Variants in CRADD observed in about 807,000 individuals in gnomAD.
CRADD encodes the protein death domain-containing protein CRADD.
CRADD carries 9 observed loss-of-function variants against 15.5 expected under a neutral mutation model. The observed-to-expected ratio is 0.58, with a 90% CI of 0.35 to 1.01. The LOEUF (loss-of-function observed/expected upper bound fraction) is 1.01. Ranked by LOEUF, CRADD falls within the 50% of genes least tolerant of loss-of-function variation. The pLI, the probability that CRADD is intolerant of heterozygous loss-of-function variation, is 0.02. For synonymous variants in CRADD, 118 were observed against 107.6 expected, an observed-to-expected ratio of 1.10 and a Z score of -0.60; for missense variants, 227 against 250.3, an observed-to-expected ratio of 0.91 and a Z score of 0.63.
chr12:93,858,693 A>G (rs1173352261), intron 2 of CRADD, among the ~76,000 whole-genome samples: 1 of 152,210 alleles, frequency 6.6e-6, no homozygotes, highest in Non-Finnish European at 1.5e-5. Flanking sequence ...TGGGTCATAG[A>G]AACTAGAACT....
At chr12:93,867,835 GC>G (rs927338874) in intron 2 of CRADD, among the ~76,000 whole-genome samples, 6 of 152,052 alleles carry the variant, frequency 3.9e-5, no homozygotes, top group Admixed American at 1.3e-4. Context: ...TGAGTGGGGG[GC>G]CCAGAGACAA....
intron 2 of CRADD, among the ~76,000 whole-genome samples, chr12:93,703,637 C>T (rs1053570401): frequency 2.0e-5 from 3 of 152,088 alleles, no homozygotes; most frequent in Admixed American, 6.5e-5. Context: ...GCTGGGATTA[C>T]AGGCAGGAAC....
chr12:93,863,644 G>GTGTGTGT (rs58596395), intron 2 of CRADD, among the ~76,000 whole-genome samples: 1 of 148,592 alleles, frequency 6.7e-6, no homozygotes, highest in Non-Finnish European at 1.5e-5. Context: ...GTGTGTGTGT[G>GTGTGTGT]AAGCTGTCAT....
At chr12:93,832,480 CAT>C (rs774161630) in intron 2 of CRADD, among the ~76,000 whole-genome samples, 5 of 152,166 alleles carry the variant, frequency 3.3e-5, no homozygotes, top group Non-Finnish European at 5.9e-5. Context: ...ATAAGGAAAA[CAT>C]AAGTCCATCA....
rs1157061528 is a variant in CRADD, at chr12:93,863,596, TTGTGTGTGTGTGTGTGTGTG to T, written c.299-30425_299-30406del. Among the ~76,000 whole-genome samples, 298 of 124,850 alleles carry T rather than the reference TTGTGTGTGTGTGTGTGTGTG, an allele frequency of 2.4e-3. 2 individuals are homozygous for T. Among genetic ancestry groups the T allele is most frequent in the Middle Eastern group, 4.0e-3 (1 of 250 alleles). The allele number at this position is 124,850 out of a possible 152,430, so 81.9% of individuals were successfully genotyped here. On this transcript the variant is annotated intron_variant, in intron 2 of 2. Transcript: ENST00000548483. ...GGCCTTTGAAAATGTGTGGAGGCAT[TTGTGTGTGTGTGTGTGTGTG>T]TGTGTGTGTGTGTGTGTGTGTGTGT... is the stretch of plus-strand genomic sequence containing the variant.
intron 1 of CRADD, among the ~76,000 whole-genome samples, chr12:93,678,341 C>T (rs1955205015): frequency 6.6e-6 from 1 of 152,164 alleles, no homozygotes; most frequent in African/African-American, 2.4e-5. Flanking sequence ...GCAGTTTCTG[C>T]CTTGGTGGTG....
At chr12:93,703,358 T>C (rs977387498) in intron 2 of CRADD, among the ~76,000 whole-genome samples, 7 of 150,266 alleles carry the variant, frequency 4.7e-5, no homozygotes, top group Non-Finnish European at 8.8e-5. Flanking sequence ...TTTTTCTTTT[T>C]CTTTTTTTTT....
At position 93,874,305 on chromosome 12, in the gene CRADD, C is replaced by T. The variant is rs117397230; in HGVS notation, c.299-19745C>T. On this transcript the variant is annotated intron_variant, in intron 2 of 2. Transcript: ENST00000548483. ...AGTTGTCATGTCTCCTTTTTCAATTCTGATTTTATTTGCATCTTTTCTCTT... is the reference window on the plus strand; with the variant it reads ...AGTTGTCATGTCTCCTTTTTCAATTTTGATTTTATTTGCATCTTTTCTCTT... Among the ~76,000 whole-genome samples, 66 of 151,856 alleles carry T rather than the reference C, an allele frequency of 4.3e-4. No homozygotes were observed. In the East Asian group the frequency reaches 0.012, roughly 27 times the overall value.
chr12:93,678,728 A>G, intron 1 of CRADD, 41 bp from the exon 2 acceptor site: 1 of 1,583,144 alleles, frequency 6.3e-7, no homozygotes, highest in Non-Finnish European at 8.6e-7. Flanking sequence ...GGGCCACATC[A>G]ACATGTCTGT....
chr12:93,860,526 AG>A (rs1287910277), intron 2 of CRADD, among the ~76,000 whole-genome samples: 10 of 152,204 alleles, frequency 6.6e-5, no homozygotes, highest in African/African-American at 2.4e-4. Context: ...AGCAAAGGGC[AG>A]GAAGAGCCAG....
chr12:93,881,157 A>G (rs944314981), intron 2 of CRADD, among the ~76,000 whole-genome samples: 6 of 152,212 alleles, frequency 3.9e-5, no homozygotes, highest in African/African-American at 9.6e-5. Context: ...GACAACATCT[A>G]TGTGACAAAG....
At position 93,890,102 on chromosome 12, in the gene CRADD, TA is replaced by T. The variant is rs201657307; in HGVS notation, c.299-3945del. Among the ~76,000 whole-genome samples the T allele has an allele frequency of 3.5e-4, 54 of 152,242 alleles. No individual in the cohort carries two copies. The East Asian group carries it at 8.3e-3, about 23-fold the overall frequency. On this transcript the variant is annotated intron_variant, in intron 2 of 2. Transcript: ENST00000548483. ...ACCTTCCAGGATGGTGGGAAGTACA[TA>T]AATTTGAAAGCATGGAATTATAGTC...
At chr12:93,821,545 C>T (rs1214101836) in intron 2 of CRADD, among the ~76,000 whole-genome samples, 1 of 152,232 alleles carries the variant, frequency 6.6e-6, no homozygotes, top group Non-Finnish European at 1.5e-5. Flanking sequence ...CCTGCTGTGA[C>T]TGCTAGCCAA....
intron 2 of CRADD, among the ~76,000 whole-genome samples, chr12:93,758,990 C>T (rs992707832): frequency 6.6e-6 from 1 of 152,120 alleles, no homozygotes; most frequent in Non-Finnish European, 1.5e-5. Context: ...TTTGAGCTAT[C>T]CTCACAGGTT....
In CRADD at chr12:93,785,139, C is replaced by A. The variant is rs1381907544; in HGVS notation, c.299-64831C>A. 4.6e-5 allele frequency among the ~76,000 whole-genome samples: 7 copies of A among 151,862 alleles called. No homozygotes were observed. The East Asian group carries it at 1.4e-3, about 29-fold the overall frequency. ...TTTGATAATGCATATACTCCAAACA[C>A]CTCTAAAAATAATTTTCAATTGGCA... On this transcript the variant is annotated intron_variant, in intron 2 of 2. Transcript: ENST00000332896.
intron 2 of CRADD, among the ~76,000 whole-genome samples, chr12:93,786,890 A>G (rs923644374): frequency 2.0e-5 from 3 of 152,176 alleles, no homozygotes; most frequent in Non-Finnish European, 4.4e-5. Flanking sequence ...TGCATGCCCT[A>G]CTATGTACTA....
intron 2 of CRADD, among the ~76,000 whole-genome samples, chr12:93,875,667 A>G (rs2137069376): frequency 6.6e-6 from 1 of 152,172 alleles, no homozygotes; most frequent in South Asian, 2.1e-4. Flanking sequence ...ATAAACAAAC[A>G]AACAATCAAA....
chr12:93,702,360 A>G (rs75727644), intron 2 of CRADD, among the ~76,000 whole-genome samples: 1 of 151,852 alleles, frequency 6.6e-6, no homozygotes, highest in African/African-American at 2.4e-5. Context: ...AGAGAAAAAA[A>G]ACCATCACTT....
At chr12:93,859,496 A>C (rs1184724771) in intron 2 of CRADD, 1 of 401,364 alleles carries the variant, frequency 2.5e-6, no homozygotes, top group Non-Finnish European at 5.0e-6. Flanking sequence ...GACAAAATGC[A>C]CTGGACAATT....
Sources: allele counts gnomAD v4.1 joint callset (sites outside exome capture counted in the v4.1 genomes callset), GRCh38; gene constraint gnomAD v4.1.1; transcripts MANE v1.5; gene names NCBI Gene and HGNC (gene_info 2026-07-23, HGNC 2026-07-21).